The following BICRA variants were observed in gnomAD, a reference collection of about 807,000 sequenced individuals.
BICRA encodes the protein BRD4 interacting chromatin remodeling complex associated protein.
BICRA carries 31 observed loss-of-function variants against 96.9 expected under a neutral mutation model. That is an observed-to-expected ratio of 0.32 (90% CI 0.24 to 0.43). The LOEUF (loss-of-function observed/expected upper bound fraction) is 0.43, where lower values mean the gene tolerates loss of function less well. BICRA is among the 20% of genes least tolerant of loss of function. BICRA has a pLI of 1.00. For synonymous variants in BICRA, 1,350 were observed against 1,071.8 expected, an observed-to-expected ratio of 1.26 and a Z score of -5.07; for missense variants, 2,283 against 2,190.3, an observed-to-expected ratio of 1.04 and a Z score of -0.84.
chr19:47,609,922 C>G (rs1971873746), intron 1 of BICRA, among the ~76,000 whole-genome samples: 1 of 151,966 alleles, frequency 6.6e-6, no homozygotes, highest in Admixed American at 6.5e-5. Context: ...GACCCCCTCC[C>G]CCACCCCCAG....
chr19:47,625,211 G>T (rs1972123116), intron 1 of BICRA, among the ~76,000 whole-genome samples: 1 of 151,518 alleles, frequency 6.6e-6, no homozygotes, highest in Non-Finnish European at 1.5e-5. Context: ...TGTTGGCCAG[G>T]CTGGTCTCGA....
chr19:47,667,220 A>T (rs188300341), intron 1 of BICRA, among the ~76,000 whole-genome samples: 1 of 152,022 alleles, frequency 6.6e-6, no homozygotes, highest in Non-Finnish European at 1.5e-5. Flanking sequence ...GGGTTTCACC[A>T]TTCACACAAT....
chr19:47,646,072 T>C lies in BICRA; in HGVS notation c.-107-24371T>C, dbSNP rs532192810. The stretch of plus-strand genomic sequence containing the variant: ...ATGATTGTGCCACTGCACTGTAGCC[T>C]GGTTGACAGAGTGAGACCCTGTCTC... On this transcript the variant is annotated intron_variant, in intron 1 of 14. Transcript: ENST00000594866. Among the ~76,000 whole-genome samples the C allele has an allele frequency of 2.6e-5, 4 of 152,290 alleles. No individual in the cohort carries two copies. In the South Asian group the frequency reaches 8.3e-4, roughly 32 times the overall value.
intron 1 of BICRA, among the ~76,000 whole-genome samples, chr19:47,657,326 G>T (rs940302722): frequency 6.6e-6 from 1 of 152,016 alleles, no homozygotes; most frequent in Non-Finnish European, 1.5e-5. Context: ...ATGTAACAGT[G>T]TATTCATTTA....
rs375509451 is a variant in BICRA, at chr19:47,701,301, C to T, written c.3596-27C>T. On this transcript the variant is annotated intron_variant, in intron 14 of 14. Transcript: ENST00000594866. The surrounding 1 kb of genome is among the most constrained non-coding windows in gnomAD (Gnocchi z 5.4). ...TCGGGGGGTCCTCATCCTAACCCCG[C>T]GGGTTTTCTTTGCCCCGATTCTGCA... The T allele has an allele frequency of 1.1e-5, 18 of 1,577,214 alleles. No homozygotes were observed. Among genetic ancestry groups the T allele is most frequent in the African/African-American group, 9.4e-5 (7 of 74,312 alleles).
Position 47,680,307 on chromosome 19 carries a change from C to T in BICRA, c.1137C>T (p.Thr379=), listed in dbSNP as rs1475828724. Residue 379 remains threonine (T), a synonymous_variant, in exon 6 of 15, where the codon ACC becomes ACT. Coordinates refer to ENST00000594866, the MANE Select transcript of BICRA (RefSeq NM_001394372.1). Reference sequence around the variant, plus strand: ...TTGCGCCCGCGGGCGCCACGCTCACCATCCAGGGCGAGCCGGGGGCGCTCC... The same window carrying T: ...TTGCGCCCGCGGGCGCCACGCTCACTATCCAGGGCGAGCCGGGGGCGCTCC... ...KPFAPAGATL[T]IQGEPGALPQ... 1.3e-6 allele frequency: 2 copies of T among 1,549,476 alleles called. No individual in the cohort carries two copies. The highest frequency in any genetic ancestry group is 1.2e-5 in the South Asian group (1 of 85,048).
chr19:47,682,116 C>T lies in BICRA; in HGVS notation c.2247C>T (p.Ala749=). The T allele has an allele frequency of 6.6e-7, 1 of 1,513,898 alleles. No homozygotes were observed. The highest frequency in any genetic ancestry group is 2.4e-5 in the East Asian group (1 of 41,916). The allele number at this position is 1,513,898 out of a possible 1,614,324, so 93.8% of individuals were successfully genotyped here. A position where few individuals can be genotyped will look rare whatever the true frequency, so the allele number is the denominator to read the frequency against. ...VAKGAGLGPQ[A]PDSQASPAPA... ...AAGGAGCTGGCCTCGGCCCTCAGGC[C>T]CCCGACAGCCAGGCTTCCCCGGCTC... The change falls in exon 7 of 15, where the codon GCC becomes GCT. Residue 749 remains alanine, a synonymous_variant. Transcript: ENST00000594866.
At chr19:47,632,015 G>T (rs1021033408) in intron 1 of BICRA, among the ~76,000 whole-genome samples, 1 of 152,128 alleles carries the variant, frequency 6.6e-6, no homozygotes, top group Admixed American at 6.6e-5. Context: ...GCCTGGTAGC[G>T]CTACCTCTTT....
intron 1 of BICRA, among the ~76,000 whole-genome samples, chr19:47,670,055 G>A (rs886518652): frequency 2.0e-5 from 3 of 151,646 alleles, no homozygotes; most frequent in Non-Finnish European, 2.9e-5. Flanking sequence ...GGGCTCAAGC[G>A]ATTCTCCTGC....
intron 1 of BICRA, among the ~76,000 whole-genome samples, chr19:47,652,935 C>T (rs963241049): frequency 3.3e-5 from 5 of 151,810 alleles, no homozygotes; most frequent in African/African-American, 1.2e-4. Flanking sequence ...GTTTTACACA[C>T]ACCCTTCTAC....
intron 8 of BICRA, 71 bp downstream of exon 8, chr19:47,694,797 C>T: frequency 8.9e-7 from 1 of 1,125,400 alleles, no homozygotes. Context: ...GATGGGAGCC[C>T]CTCCGCCTTA....
At position 47,673,634 on chromosome 19, in the gene BICRA, AC is replaced by A. The variant is rs1972897804; in HGVS notation, c.41+24del. 2.1e-6 allele frequency: 3 copies of A among 1,434,834 alleles called. No homozygotes were observed. The highest frequency in any genetic ancestry group is 2.9e-6 in the Non-Finnish European group (3 of 1,024,768). 88.9% of individuals were successfully genotyped at this position (1,434,834 alleles called of 1,614,324 possible). A position where few individuals can be genotyped will look rare whatever the true frequency, so the allele number is the denominator to read the frequency against. On this transcript the variant is annotated intron_variant, in intron 3 of 14. Transcript: ENST00000594866. ...TGATTTGGTGAGTAACGGGCTCCCCACCCCCTGCCCTCTGTCTCAACCCCCT... is the reference window on the plus strand; with the variant it reads ...TGATTTGGTGAGTAACGGGCTCCCCACCCCTGCCCTCTGTCTCAACCCCCT...
At chr19:47,629,107 T>G (rs1296375018) in intron 1 of BICRA, among the ~76,000 whole-genome samples, 1 of 152,178 alleles carries the variant, frequency 6.6e-6, no homozygotes, top group Non-Finnish European at 1.5e-5. Context: ...GTTCAAACCA[T>G]TCTCCTGCCT....
chr19:47,646,398 A>G (rs1211406204), intron 1 of BICRA, among the ~76,000 whole-genome samples: 1 of 151,858 alleles, frequency 6.6e-6, no homozygotes, highest in Non-Finnish European at 1.5e-5. Context: ...GCTTTTAATC[A>G]AGTCCAAGGG....
intron 1 of BICRA, among the ~76,000 whole-genome samples, chr19:47,658,020 A>C (rs941698312): frequency 1.3e-5 from 2 of 151,966 alleles, no homozygotes; most frequent in Non-Finnish European, 2.9e-5. Context: ...CTGCGGCACC[A>C]GTCATTGTCA....
chr19:47,685,799 G>GCGCA (rs141802949), intron 7 of BICRA, among the ~76,000 whole-genome samples: 71 of 148,840 alleles, frequency 4.8e-4, no homozygotes, highest in Middle Eastern at 3.4e-3. Context: ...GCGCGCGCGC[G>GCGCA]CATGCGTACA....
At chr19:47,684,693 A>G (rs1973118545) in intron 7 of BICRA, among the ~76,000 whole-genome samples, 1 of 152,210 alleles carries the variant, frequency 6.6e-6, no homozygotes, top group Non-Finnish European at 1.5e-5. Context: ...GTGAGGAAAC[A>G]GAGGCACAGG....
chr19:47,697,576 C>T (rs1014535302), intron 11 of BICRA, among the ~76,000 whole-genome samples: 3 of 152,130 alleles, frequency 2.0e-5, no homozygotes, highest in Admixed American at 2.0e-4. Context: ...CTCCTGGGTT[C>T]AAGTGATTCT....
Position 47,694,296 on chromosome 19 carries a change from G to GA in BICRA, c.2465_2466insA (p.Cys822Ter). The change falls in exon 8 of 15, where the codon TGC becomes TGAC. Residue 822 changes from cysteine to a stop codon, truncating the protein, a stop_gained and frameshift_variant. Transcript: ENST00000594866. LOFTEE classifies it high-confidence loss of function. ...CCCTCAGAGCCACCCTTGCACCCTT[G>GA]CCCCCCACCCCAGGCCCCCCCAACT... is the stretch of plus-strand genomic sequence containing the variant. ...RPPSEPPLHP[C>*]PPPQAPPTLP... The GA allele has an allele frequency of 1.6e-6, 1 of 628,906 alleles. No individual in the cohort carries two copies. The highest frequency in any genetic ancestry group is 2.5e-6 in the Non-Finnish European group (1 of 407,378). 39.0% of individuals were successfully genotyped at this position (628,906 alleles called of 1,614,324 possible).
Sources: gnomAD v4.1 joint callset for allele counts (sites outside exome capture counted in the v4.1 genomes callset) on GRCh38, gnomAD v4.1.1 for gene constraint, Gnocchi (gnomAD v3.1) non-coding constraint, MANE v1.5 for transcripts, NCBI Gene and HGNC (gene_info 2026-07-23, HGNC 2026-07-21) for gene names.